Variants in LARGE1 observed in about 807,000 individuals in gnomAD.
LARGE1 encodes the protein xylosyl- and glucuronyltransferase LARGE1.
Under a neutral mutation model 87.6 loss-of-function variants are expected in LARGE1, and 43 were observed. The observed-to-expected ratio is 0.49, with a 90% CI of 0.38 to 0.63. The LOEUF (loss-of-function observed/expected upper bound fraction) is 0.63. Among genes scored for constraint, LARGE1 ranks in the 30% least tolerant of loss-of-function variants. The pLI, the probability that LARGE1 is intolerant of heterozygous loss-of-function variation, is 0.00. For synonymous variants in LARGE1, 434 were observed against 394.6 expected (o/e 1.10, Z -1.18); for missense variants, 802 against 1,000.2 (o/e 0.80, Z 2.67).
intron 11 of LARGE1, among the ~76,000 whole-genome samples, chr22:33,239,136 G>A (rs1402704560): frequency 6.6e-6 from 1 of 151,398 alleles, no homozygotes; most frequent in Non-Finnish European, 1.5e-5. Context: ...CAACAGACCT[G>A]CATATTTTAT....
At chr22:33,882,593 G>A (rs895848874) in intron 1 of LARGE1, among the ~76,000 whole-genome samples, 2 of 152,120 alleles carry the variant, frequency 1.3e-5, no homozygotes, top group African/African-American at 2.4e-5. Flanking sequence ...GAACAGGAAG[G>A]CTAATCTTTA....
intron 11 of LARGE1, among the ~76,000 whole-genome samples, chr22:33,189,499 TACTC>T (rs1381996160): frequency 2.6e-5 from 4 of 152,178 alleles, no homozygotes; most frequent in Admixed American, 6.5e-5. Context: ...ACACTCACGA[TACTC>T]ACTCTTTTTA....
chr22:33,114,547 A>T, the LARGE1 span, among the ~76,000 whole-genome samples: 1 of 152,228 alleles, frequency 6.6e-6, no homozygotes, highest in Non-Finnish European at 1.5e-5. Flanking sequence ...ACACTGCATT[A>T]TGCCTAAAAA....
intron 2 of LARGE1, among the ~76,000 whole-genome samples, chr22:33,753,231 A>G (rs2084387675): frequency 6.6e-6 from 1 of 151,970 alleles, no homozygotes; most frequent in African/African-American, 2.4e-5. Flanking sequence ...AAAAATAGTA[A>G]TAATAATAAT....
At chr22:33,626,613 C>T (rs1379709457) in intron 3 of LARGE1, among the ~76,000 whole-genome samples, 1 of 152,158 alleles carries the variant, frequency 6.6e-6, no homozygotes, top group African/African-American at 2.4e-5. Flanking sequence ...AGTGAGTCTC[C>T]TGTCCTCAAG....
At chr22:33,276,016 C>T (rs1929203917) in intron 14 of LARGE1, among the ~76,000 whole-genome samples, 1 of 152,118 alleles carries the variant, frequency 6.6e-6, no homozygotes, top group Admixed American at 6.5e-5. Context: ...TGTTCTCAAC[C>T]CTAACGCCTC....
chr22:33,274,708 T>A (rs772636874), intron 14 of LARGE1, 84 bp from the exon 15 acceptor site: 5 of 1,211,208 alleles, frequency 4.1e-6, no homozygotes, highest in Non-Finnish European at 6.1e-6. Flanking sequence ...ATTGAATGGC[T>A]AGTGAATGAA....
chr22:33,589,930 A>T (rs944585484), intron 5 of LARGE1, among the ~76,000 whole-genome samples: 3 of 152,204 alleles, frequency 2.0e-5, no homozygotes, highest in Admixed American at 2.0e-4. Context: ...TGTGGTCAAG[A>T]GTAGGGCCTG....
the LARGE1 span, among the ~76,000 whole-genome samples, chr22:33,100,909 G>A: frequency 2.0e-5 from 3 of 150,092 alleles, no homozygotes; most frequent in Non-Finnish European, 4.4e-5. Context: ...GTGCGATCTC[G>A]GCTCACTGCC....
intron 2 of LARGE1, among the ~76,000 whole-genome samples, chr22:33,662,571 G>A (rs1213662387): frequency 6.6e-6 from 1 of 152,146 alleles, no homozygotes; most frequent in Admixed American, 6.5e-5. Flanking sequence ...CTCTTCGATA[G>A]TGGAACCAGA....
chr22:33,787,670 C>G (rs1199439990), intron 1 of LARGE1, among the ~76,000 whole-genome samples: 1 of 152,166 alleles, frequency 6.6e-6, no homozygotes, highest in East Asian at 1.9e-4. Context: ...CTTCATCTCT[C>G]AGTTCAAAAG....
chr22:33,446,093 G>C (rs2067677459), intron 6 of LARGE1, among the ~76,000 whole-genome samples: 1 of 152,186 alleles, frequency 6.6e-6, no homozygotes, highest in Non-Finnish European at 1.5e-5. Flanking sequence ...AGACTGAATT[G>C]ATCACCAATC....
At chr22:33,780,024 G>A (rs1486447737) in intron 1 of LARGE1, among the ~76,000 whole-genome samples, 3 of 148,278 alleles carry the variant, frequency 2.0e-5, no homozygotes, top group African/African-American at 4.9e-5. Context: ...AACAGGGCAC[G>A]CTCACTCTCA....
the LARGE1 span, among the ~76,000 whole-genome samples, chr22:33,102,272 G>A: frequency 5.3e-5 from 8 of 151,738 alleles, no homozygotes; most frequent in African/African-American, 1.2e-4. Context: ...GGGTTCAAGC[G>A]ATTCTCCTGC....
At chr22:33,119,575 A>G in the LARGE1 span, among the ~76,000 whole-genome samples, 1 of 151,194 alleles carries the variant, frequency 6.6e-6, no homozygotes, top group African/African-American at 2.4e-5. Context: ...TTTTTTTCCC[A>G]TGGTCTAGAA....
At chr22:33,412,843 TAGAGACAGCGTTTCACCATGTTGGCCAG>T (rs2066356086) in intron 7 of LARGE1, among the ~76,000 whole-genome samples, 1 of 152,144 alleles carries the variant, frequency 6.6e-6, no homozygotes, top group Non-Finnish European at 1.5e-5. Flanking sequence ...GCATTTTTAG[TAGAGACAGCGTTTCACCATGTTGGCCAG>T]GCTGGTCTCG....
At chr22:33,319,675 C>T (rs1444867803) in intron 10 of LARGE1, among the ~76,000 whole-genome samples, 2 of 152,172 alleles carry the variant, frequency 1.3e-5, no homozygotes, top group Admixed American at 1.3e-4. Context: ...AGATTACAGG[C>T]GTGAGCTACC....
At chr22:33,831,074 T>A (rs2062950935) in intron 1 of LARGE1, among the ~76,000 whole-genome samples, 1 of 151,790 alleles carries the variant, frequency 6.6e-6, no homozygotes, top group Non-Finnish European at 1.5e-5. Context: ...GCTCACATAT[T>A]AGCAGATATT....
intron 6 of LARGE1, among the ~76,000 whole-genome samples, chr22:33,536,035 C>G (rs530364360): frequency 6.6e-6 from 1 of 152,178 alleles, no homozygotes; most frequent in Non-Finnish European, 1.5e-5. Flanking sequence ...TCACTTAAAA[C>G]ACATGTGCAA....
Sources: gnomAD v4.1 joint callset for allele counts (sites outside exome capture counted in the v4.1 genomes callset) on GRCh38, gnomAD v4.1.1 for gene constraint, MANE v1.5 for transcripts, NCBI Gene and HGNC (gene_info 2026-07-23, HGNC 2026-07-21) for gene names.